The following CCDC38 variants were observed in gnomAD, a reference collection of about 807,000 sequenced individuals.
CCDC38 encodes the protein coiled-coil domain-containing protein 38.
A neutral mutation model predicts 72.8 loss-of-function variants in CCDC38; 69 were observed. The ratio of observed to expected loss-of-function variants is 0.95; its 90% CI spans 0.78 to 1.16. The LOEUF (loss-of-function observed/expected upper bound fraction) is 1.16. Ranked by LOEUF, CCDC38 falls within the 50% of genes most tolerant of loss-of-function variation. The pLI, the probability that CCDC38 is intolerant of heterozygous loss-of-function variation, is 0.00. For synonymous variants in CCDC38, 201 were observed against 213.2 expected (o/e 0.94, Z 0.50); for missense variants, 626 against 638.9 (o/e 0.98, Z 0.22).
At chr12:95,912,896 C>A (rs1233682914) in intron 4 of CCDC38, among the ~76,000 whole-genome samples, 1 of 151,884 alleles carries the variant, frequency 6.6e-6, no homozygotes, top group African/African-American at 2.4e-5. Flanking sequence ...CTTGTCTCTA[C>A]AAAAATATAC....
intron 4 of CCDC38, among the ~76,000 whole-genome samples, chr12:95,909,949 G>A (rs937084988): frequency 5.9e-5 from 9 of 152,040 alleles, no homozygotes; most frequent in Admixed American, 3.9e-4. Context: ...AACATCATAC[G>A]GAACAGGTAA....
At chr12:95,936,846 C>T (rs1291335973) in intron 1 of CCDC38, among the ~76,000 whole-genome samples, 1 of 152,194 alleles carries the variant, frequency 6.6e-6, no homozygotes, top group African/African-American at 2.4e-5. Flanking sequence ...TACCTCTCTC[C>T]ATGGTATTGG....
chr12:95,877,713 T>A (rs377165087), intron 13 of CCDC38, among the ~76,000 whole-genome samples: 4 of 152,270 alleles, frequency 2.6e-5, no homozygotes, highest in South Asian at 4.1e-4. Flanking sequence ...GATGAACTTG[T>A]CAATAAATAA....
At chr12:95,931,292 A>G (rs1460792382) in intron 2 of CCDC38, among the ~76,000 whole-genome samples, 1 of 152,150 alleles carries the variant, frequency 6.6e-6, no homozygotes, top group African/African-American at 2.4e-5. Flanking sequence ...CCATTGTCAC[A>G]TCACCTTCTC....
rs546510070 is a variant in CCDC38, at chr12:95,868,447, G to A, written c.1578+1033C>T. On this transcript the variant is annotated intron_variant, in intron 15 of 15. Coordinates refer to ENST00000344280, the MANE Select transcript of CCDC38 (RefSeq NM_182496.3). ...CAGGTGAGGAAAGTCTTCATGGAAAGAATTGAACTAGATAAATACCTTTTT... is the reference window on the plus strand; with the variant it reads ...CAGGTGAGGAAAGTCTTCATGGAAAAAATTGAACTAGATAAATACCTTTTT... Among the ~76,000 whole-genome samples the A allele has an allele frequency of 2.6e-5, 4 of 152,278 alleles. No homozygotes were observed. In the South Asian group the frequency reaches 8.3e-4, roughly 32 times the overall value.
At position 95,909,750 on chromosome 12, in the gene CCDC38, C is replaced by T. The variant is rs147414797; in HGVS notation, c.305-3299G>A. 1.9e-4 allele frequency among the ~76,000 whole-genome samples: 29 copies of T among 152,262 alleles called. No homozygotes were observed. In the East Asian group the frequency reaches 3.3e-3, roughly 17 times the overall value. On this transcript the variant is annotated intron_variant, in intron 4 of 15. Transcript: ENST00000344280. ...TAGAATACAAGGTTTGTTCAATATA[C>T]ACAAATCAATAAATGTGATTCACCA...
intron 7 of CCDC38, 65 bp from the exon 8 acceptor site, chr12:95,895,211 A>G: frequency 8.3e-7 from 1 of 1,209,448 alleles, no homozygotes; most frequent in Non-Finnish European, 1.1e-6. Context: ...TTAGAAAAAA[A>G]TTTTTATAAA....
In CCDC38 at chr12:95,917,244, T is replaced by C. The variant is rs1403222910; in HGVS notation, c.189A>G (p.Ser63=). Residue 63 remains serine (S), a synonymous_variant, in exon 4 of 16, where the codon TCA becomes TCG. Transcript: ENST00000344280. ...NMKVYQKTTF[S]SRMKSHSYLS... ...GGTATGAATGACTCTTCATTCTGGA[T>C]GAAAAAGTAGTTTTCTGGTAGACTT... 1.2e-6 allele frequency: 2 copies of C among 1,605,530 alleles called. No homozygotes were observed. Among genetic ancestry groups the C allele is most frequent in the South Asian group, 1.1e-5 (1 of 88,410 alleles).
At chr12:95,890,782 A>T in intron 9 of CCDC38, 50 bp downstream of exon 9, 1 of 1,139,222 alleles carries the variant, frequency 8.8e-7, no homozygotes, top group Non-Finnish European at 1.3e-6. Flanking sequence ...CCACTTTGAG[A>T]TGGACACATT....
At chr12:95,925,312 A>G (rs2080256603) in intron 2 of CCDC38, among the ~76,000 whole-genome samples, 1 of 152,208 alleles carries the variant, frequency 6.6e-6, no homozygotes. Context: ...ATTGTGAATG[A>G]GAGTTCACTC....
chr12:95,941,515 T>C (rs1382430982), intron 1 of CCDC38, among the ~76,000 whole-genome samples: 1 of 152,172 alleles, frequency 6.6e-6, no homozygotes, highest in African/African-American at 2.4e-5. Context: ...GTCAAACAGC[T>C]TATAGGAAAC....
At chr12:95,902,368 T>A (rs2121484666) in intron 5 of CCDC38, among the ~76,000 whole-genome samples, 1 of 152,262 alleles carries the variant, frequency 6.6e-6, no homozygotes, top group East Asian at 1.9e-4. Flanking sequence ...AATCCATCCC[T>A]TCTTCCCTCC....
chr12:95,886,762 TTAAAA>T (rs1470013714), intron 10 of CCDC38, among the ~76,000 whole-genome samples: 12 of 152,248 alleles, frequency 7.9e-5, no homozygotes, highest in Admixed American at 2.0e-4. Context: ...ACCAGAATAG[TTAAAA>T]TAAAAGACAG....
intron 15 of CCDC38, among the ~76,000 whole-genome samples, chr12:95,869,053 A>G (rs898226258): frequency 2.0e-5 from 3 of 152,330 alleles, no homozygotes; most frequent in Non-Finnish European, 2.9e-5. Flanking sequence ...GTACATAAAT[A>G]CATATTTGTG....
At chr12:95,934,525 G>T (rs1013870980) in intron 2 of CCDC38, 15 of 152,050 alleles carry the variant, frequency 9.9e-5, no homozygotes, top group African/African-American at 3.6e-4. Flanking sequence ...TTATGAGTTT[G>T]CAAGTAGAGG....
intron 9 of CCDC38, among the ~76,000 whole-genome samples, chr12:95,888,802 G>GA (rs1375842869): frequency 6.6e-6 from 1 of 152,078 alleles, no homozygotes; most frequent in African/African-American, 2.4e-5. Flanking sequence ...TTTCCCTCCA[G>GA]AGCCCTCACT....
chr12:95,876,308 GTT>G (rs2079634813), intron 13 of CCDC38, among the ~76,000 whole-genome samples: 1 of 152,164 alleles, frequency 6.6e-6, no homozygotes, highest in African/African-American at 2.4e-5. Context: ...GGGATGGAAA[GTT>G]ATTGTTTAAT....
Position 95,872,330 on chromosome 12 carries a change from C to T in CCDC38, c.1409G>A (p.Cys470Tyr). Residue 470 changes from cysteine (C) to tyrosine (Y), a missense_variant, in exon 14 of 16, where the codon TGT becomes TAT. Transcript: ENST00000344280. Reference sequence around the variant, plus strand: ...TTTGGGAATGGATTCGATGAGGTCACACAGTTCTACCAGGCGAGATTCTAC... The same window carrying T: ...TTTGGGAATGGATTCGATGAGGTCATACAGTTCTACCAGGCGAGATTCTAC... The part of the protein sequence containing the change: ...VKVESRLVEL[C>Y]DLIESIPKEN... 1.2e-6 allele frequency: 2 copies of T among 1,614,200 alleles called. No individual in the cohort carries two copies. The highest frequency in any genetic ancestry group is 1.7e-6 in the Non-Finnish European group (2 of 1,180,022).
intron 10 of CCDC38, among the ~76,000 whole-genome samples, chr12:95,887,090 CAA>C (rs149571984): frequency 0.011 from 1,721 of 152,206 alleles, 26 homozygotes; most frequent in African/African-American, 0.039. Flanking sequence ...GAAGCTGAGA[CAA>C]GAGAATTGCT....
Sources: allele counts gnomAD v4.1 joint callset (sites outside exome capture counted in the v4.1 genomes callset), GRCh38; gene constraint gnomAD v4.1.1; transcripts MANE v1.5; gene names NCBI Gene and HGNC (gene_info 2026-07-23, HGNC 2026-07-21).